PTK7: variants seen among roughly 807,000 people sequenced by gnomAD.
The protein encoded by PTK7 is protein tyrosine kinase 7 (inactive), also known as inactive tyrosine-protein kinase 7.
PTK7 carries 39 observed loss-of-function variants against 116.6 expected under a neutral mutation model. That is an observed-to-expected ratio of 0.33 (90% CI 0.26 to 0.44). PTK7 has a LOEUF of 0.44. Ranked by LOEUF, PTK7 falls within the 20% of genes least tolerant of loss-of-function variation. The pLI is 1.00. For synonymous variants in PTK7, 546 were observed against 563.6 expected (o/e 0.97, Z 0.44); for missense variants, 1,169 against 1,425.6 (o/e 0.82, Z 2.90).
rs778092321 is a variant in PTK7 at position 43,139,246 on chromosome 6, G to A, written c.1473G>A (p.Glu491=). The A allele has an allele frequency of 1.2e-6, 2 of 1,614,244 alleles. No individual in the cohort carries two copies. Among genetic ancestry groups the A allele is most frequent in the South Asian group, 2.2e-5 (2 of 91,090 alleles). Residue 491 remains glutamate (E), a synonymous_variant, in exon 9 of 20, where the codon GAG becomes GAA. Transcript: ENST00000230419. This position sits in a 1 kb window ranked among gnomAD's most constrained non-coding sequence, Gnocchi z 4.6. ...CMSSTPAGSI[E]AQARVQVLEK... ...GCAGCACCCCAGCCGGCAGCATCGA[G>A]GCGCAAGCCCGTGTCCAAGTGCTGG...
At chr6:43,121,037 C>T (rs992032114) in intron 1 of PTK7, among the ~76,000 whole-genome samples, 2 of 149,662 alleles carry the variant, frequency 1.3e-5, no homozygotes, top group African/African-American at 4.9e-5. Flanking sequence ...GAGCACCTTA[C>T]GTCATGTGCC....
rs1327365150 is a variant in PTK7 at position 43,150,819 on chromosome 6, C to T, written c.2721+4121C>T. On this transcript the variant is annotated intron_variant, in intron 17 of 19. Transcript: ENST00000230419. Reference sequence around the variant, plus strand: ...TTTTTTTTTTTTTTTTTTTTTTTCCCGAGACAGAGTCTCGCTCTGTCTCTG... The same window carrying T: ...TTTTTTTTTTTTTTTTTTTTTTTCCTGAGACAGAGTCTCGCTCTGTCTCTG... Among the ~76,000 whole-genome samples the T allele has an allele frequency of 5.4e-4, 30 of 55,234 alleles. 2 individuals are homozygous for T. Among genetic ancestry groups the T allele is most frequent in the African/African-American group, 2.0e-3 (16 of 8,028 alleles). 36.2% of individuals were successfully genotyped at this position (55,234 alleles called of 152,430 possible).
chr6:43,099,679 T>A (rs1213115234), intron 1 of PTK7, among the ~76,000 whole-genome samples: 2 of 152,220 alleles, frequency 1.3e-5, no homozygotes, highest in Non-Finnish European at 2.9e-5. Context: ...AGATTTGTGA[T>A]CATTGTGATA....
chr6:43,135,354 G>A (rs557023633), intron 7 of PTK7, among the ~76,000 whole-genome samples: 2 of 152,352 alleles, frequency 1.3e-5, no homozygotes, highest in Non-Finnish European at 2.9e-5. Context: ...AGTACTGGAT[G>A]CAACTGTGAA....
Position 43,132,090 on chromosome 6 carries a change from C to G in PTK7, c.887C>G (p.Ala296Gly). The change falls in exon 6 of 20, where the codon GCA becomes GGA. Residue 296 changes from alanine (A) to glycine (G), a missense_variant. Around this residue, in one of 3 missense-constraint regions of PTK7, gnomAD observed 487 missense variants for 549.8 expected, o/e 0.89. Transcript: ENST00000230419. ...LLLTQVRPRNAGIYRCIGQGQ... is the reference protein window; with the variant it reads ...LLLTQVRPRNGGIYRCIGQGQ... ...CTGACCCAGGTCCGGCCACGCAATGCAGGGATCTACCGCTGCATTGGCCAG... is the reference window on the plus strand; with the variant it reads ...CTGACCCAGGTCCGGCCACGCAATGGAGGGATCTACCGCTGCATTGGCCAG... The G allele has an allele frequency of 6.2e-7, 1 of 1,614,102 alleles. No individual in the cohort carries two copies. The highest frequency in any genetic ancestry group is 1.1e-5 in the South Asian group (1 of 91,088).
At chr6:43,092,482 G>T (rs1228229900) in intron 1 of PTK7, among the ~76,000 whole-genome samples, 1 of 152,150 alleles carries the variant, frequency 6.6e-6, no homozygotes, top group African/African-American at 2.4e-5. Context: ...AAACTTTATT[G>T]TAGGTATGTA....
At chr6:43,079,220 C>G (rs1330124599) in intron 1 of PTK7, among the ~76,000 whole-genome samples, 1 of 151,548 alleles carries the variant, frequency 6.6e-6, no homozygotes, top group East Asian at 2.0e-4. Context: ...GTAATCCCAG[C>G]ACTTTGGGAG....
chr6:43,118,019 G>T (rs918773386), intron 1 of PTK7, among the ~76,000 whole-genome samples: 6 of 151,514 alleles, frequency 4.0e-5, no homozygotes, highest in Non-Finnish European at 8.8e-5. Flanking sequence ...AGAAGAAAAA[G>T]GCAGTGTGTC....
chr6:43,120,770 G>C (rs1056946467), intron 1 of PTK7, among the ~76,000 whole-genome samples: 4 of 152,152 alleles, frequency 2.6e-5, no homozygotes, highest in Non-Finnish European at 4.4e-5. Context: ...GGACTGCCTG[G>C]GAGGAGGTGG....
Position 43,111,882 on chromosome 6 carries a change from G to A in PTK7, c.80-17095G>A, listed in dbSNP as rs147456610. On this transcript the variant is annotated intron_variant, in intron 1 of 19. Transcript: ENST00000230419. Reference sequence around the variant, plus strand: ...TATTTAGTAGAGATGAGGTCTTACTGTGTTGCCCAGGCTGGTCTTGAACCC... The same window carrying A: ...TATTTAGTAGAGATGAGGTCTTACTATGTTGCCCAGGCTGGTCTTGAACCC... 1.3e-3 allele frequency among the ~76,000 whole-genome samples: 188 copies of A among 145,104 alleles called. 2 individuals carry two copies. The highest frequency in any genetic ancestry group is 3.8e-3 in the African/African-American group (148 of 38,864).
rs1248648906 is a variant in PTK7 at position 43,129,789 on chromosome 6, A to G, written c.430A>G (p.Thr144Ala). 17 of 1,614,074 alleles carry G rather than the reference A, an allele frequency of 1.1e-5. No individual in the cohort carries two copies. Among genetic ancestry groups the G allele is most frequent in the African/African-American group, 2.7e-5 (2 of 74,916 alleles). ...CTCGGAAGCTGAGATCCAGCCACAG[A>G]CCCAGGTCACACTTCGTTGCCACAT... The part of the protein sequence containing the change: ...PASEAEIQPQ[T>A]QVTLRCHIDG... The change falls in exon 3 of 20, where the codon ACC becomes GCC. Residue 144 changes from threonine (T) to alanine (A), a missense_variant. Around this residue, in one of 3 missense-constraint regions of PTK7, gnomAD observed 487 missense variants for 549.8 expected, o/e 0.89. Transcript: ENST00000230419. The surrounding 1 kb of genome is among the most constrained non-coding windows in gnomAD (Gnocchi z 4.5).
chr6:43,138,610 C>A, intron 7 of PTK7: 2 of 431,016 alleles, frequency 4.6e-6, no homozygotes, highest in Non-Finnish European at 4.1e-6. Context: ...TGTAGTGAGC[C>A]ATAATTGTGT....
intron 1 of PTK7, among the ~76,000 whole-genome samples, chr6:43,091,982 C>A (rs1235206528): frequency 5.3e-5 from 8 of 152,234 alleles, no homozygotes; most frequent in African/African-American, 4.8e-5. Flanking sequence ...CCTGCCTTAG[C>A]CCCCTGAGCA....
intron 1 of PTK7, among the ~76,000 whole-genome samples, chr6:43,116,604 T>TTGTGTGTGTGTGTGTG (rs751605217): frequency 2.5e-5 from 3 of 119,168 alleles, no homozygotes; most frequent in Admixed American, 8.2e-5. Flanking sequence ...AAAAGCTGGT[T>TTGTGTGTGTGTGTGTG]TGTGTGTGTG....
intron 17 of PTK7, among the ~76,000 whole-genome samples, chr6:43,150,276 G>T (rs1326421219): frequency 1.3e-5 from 2 of 152,140 alleles, no homozygotes; most frequent in African/African-American, 4.8e-5. Flanking sequence ...CCCCTGGGGT[G>T]TTAAAATTGG....
intron 7 of PTK7, among the ~76,000 whole-genome samples, chr6:43,135,303 G>A (rs893524792): frequency 6.6e-6 from 1 of 152,240 alleles, no homozygotes; most frequent in Non-Finnish European, 1.5e-5. Flanking sequence ...AATGCATTCA[G>A]TCAACAGAGA....
intron 7 of PTK7, among the ~76,000 whole-genome samples, chr6:43,136,688 C>T (rs754401186): frequency 6.6e-6 from 1 of 152,136 alleles, no homozygotes; most frequent in African/African-American, 2.4e-5. Flanking sequence ...TCACAGGCCA[C>T]TCAGATTCCA....
At chr6:43,079,716 A>G (rs1766260727) in intron 1 of PTK7, among the ~76,000 whole-genome samples, 1 of 152,146 alleles carries the variant, frequency 6.6e-6, no homozygotes, top group South Asian at 2.1e-4. Flanking sequence ...TCAGTGCTCT[A>G]AAGTATGAGG....
chr6:43,115,240 TAAAG>T (rs1768439443), intron 1 of PTK7, among the ~76,000 whole-genome samples: 2 of 152,028 alleles, frequency 1.3e-5, no homozygotes, highest in African/African-American at 2.4e-5. Context: ...TCCTTAAAAA[TAAAG>T]GAACAATCAT....
Sources: allele counts gnomAD v4.1 joint callset (sites outside exome capture counted in the v4.1 genomes callset), GRCh38; gene constraint gnomAD v4.1.1; regional missense constraint gnomAD v4.1.1; non-coding constraint Gnocchi (gnomAD v3.1); transcripts MANE v1.5; gene names NCBI Gene and HGNC (gene_info 2026-07-23, HGNC 2026-07-21).